Variants in SAMD4A observed in about 807,000 individuals in gnomAD.
SAMD4A encodes sterile alpha motif domain containing 4A, also known as protein Smaug homolog 1.
A neutral mutation model predicts 81.3 loss-of-function variants in SAMD4A; 33 were observed. That is an observed-to-expected ratio of 0.41 (90% CI 0.31 to 0.54). SAMD4A has a LOEUF of 0.54. Ranked by LOEUF, SAMD4A falls within the 20% of genes least tolerant of loss-of-function variation. SAMD4A has a pLI of 0.37. For synonymous variants in SAMD4A, 389 were observed against 382.1 expected (o/e 1.02, Z -0.21); for missense variants, 854 against 951.1 (o/e 0.90, Z 1.34).
chr14:54,568,184 G>C, intron 2 of SAMD4A, 72 bp downstream of exon 2: 4 of 1,320,186 alleles, frequency 3.0e-6, no homozygotes, highest in Non-Finnish European at 3.9e-6. Context: ...TCTCTGCCTC[G>C]GGCCAGGCCG....
At chr14:54,614,192 C>T (rs897269553) in intron 2 of SAMD4A, among the ~76,000 whole-genome samples, 5 of 152,118 alleles carry the variant, frequency 3.3e-5, no homozygotes, top group Admixed American at 2.0e-4. Context: ...AACTGTGGCT[C>T]TTCTCACAAA....
At chr14:54,664,268 T>C (rs1450348129) in intron 2 of SAMD4A, among the ~76,000 whole-genome samples, 2 of 152,138 alleles carry the variant, frequency 1.3e-5, no homozygotes, top group African/African-American at 4.8e-5. Context: ...TTCCAGACAG[T>C]GGACCCATCT....
intron 3 of SAMD4A, among the ~76,000 whole-genome samples, chr14:54,727,637 G>A (rs1027145709): frequency 6.6e-6 from 1 of 152,204 alleles, no homozygotes; most frequent in Non-Finnish European, 1.5e-5. Context: ...CCTTAGCTGG[G>A]AGCAAGTGCA....
At chr14:54,715,884 A>G (rs1408116099) in intron 3 of SAMD4A, among the ~76,000 whole-genome samples, 2 of 152,152 alleles carry the variant, frequency 1.3e-5, no homozygotes, top group Non-Finnish European at 2.9e-5. Context: ...GGCAAAAATA[A>G]TACTGGTTTA....
chr14:54,658,169 G>A (rs1412218976), intron 2 of SAMD4A, among the ~76,000 whole-genome samples: 4 of 152,138 alleles, frequency 2.6e-5, no homozygotes, highest in African/African-American at 9.7e-5. Flanking sequence ...AAATTAGCCA[G>A]GTGTGGTGTC....
intron 4 of SAMD4A, among the ~76,000 whole-genome samples, chr14:54,743,094 AC>A (rs968353544): frequency 1.3e-5 from 2 of 152,128 alleles, no homozygotes; most frequent in Non-Finnish European, 2.9e-5. Flanking sequence ...CCTGTCAGAA[AC>A]CTTTGTAAGA....
At chr14:54,659,877 G>A (rs2140460831) in intron 2 of SAMD4A, among the ~76,000 whole-genome samples, 1 of 152,296 alleles carries the variant, frequency 6.6e-6, no homozygotes, top group African/African-American at 2.4e-5. Flanking sequence ...TCCTCACTGT[G>A]GGTCATGGGG....
intron 2 of SAMD4A, among the ~76,000 whole-genome samples, chr14:54,695,659 A>G (rs770069786): frequency 6.6e-6 from 1 of 152,152 alleles, no homozygotes; most frequent in Non-Finnish European, 1.5e-5. Flanking sequence ...CCTTGAAAAT[A>G]GGGGGAGGGT....
At chr14:54,588,736 C>T (rs2033693083) in intron 2 of SAMD4A, among the ~76,000 whole-genome samples, 1 of 152,142 alleles carries the variant, frequency 6.6e-6, no homozygotes, top group East Asian at 1.9e-4. Flanking sequence ...ATTTTTTCTT[C>T]TGTCTCCTTT....
intron 2 of SAMD4A, among the ~76,000 whole-genome samples, chr14:54,650,012 A>G (rs946551829): frequency 5.3e-5 from 8 of 152,322 alleles, no homozygotes; most frequent in Admixed American, 1.3e-4. Context: ...GACTTATGAT[A>G]TACCACTAGG....
At chr14:54,704,182 T>C (rs1020997233) in intron 3 of SAMD4A, among the ~76,000 whole-genome samples, 7 of 152,242 alleles carry the variant, frequency 4.6e-5, no homozygotes, top group African/African-American at 1.7e-4. Context: ...CTGATGACAC[T>C]GTCTTTCACA....
At chr14:54,566,048 C>T (rs533465550), upstream of SAMD4A, among the ~76,000 whole-genome samples, 103 of 152,240 alleles carry the variant, frequency 6.8e-4, no homozygotes, top group African/African-American at 2.1e-3. Flanking sequence ...CCCTGCCAAG[C>T]CCATGATGTA....
At chr14:54,686,559 G>GAA (rs397780447) in intron 2 of SAMD4A, among the ~76,000 whole-genome samples, 11,280 of 144,576 alleles carry the variant, frequency 0.078, 706 homozygotes, top group African/African-American at 0.16. Context: ...TGGCTAACCA[G>GAA]AAAAAAAAAA....
chr14:54,659,373 A>G (rs2035589838), intron 2 of SAMD4A, among the ~76,000 whole-genome samples: 1 of 152,072 alleles, frequency 6.6e-6, no homozygotes, highest in African/African-American at 2.4e-5. Flanking sequence ...GTATCCATTC[A>G]TTCTTATCAG....
intron 2 of SAMD4A, among the ~76,000 whole-genome samples, chr14:54,607,511 A>C (rs2034241522): frequency 6.7e-6 from 1 of 149,454 alleles, no homozygotes; most frequent in Non-Finnish European, 1.5e-5. Flanking sequence ...GCTGGAGTGC[A>C]GTGGCACGAT....
intron 4 of SAMD4A, among the ~76,000 whole-genome samples, chr14:54,742,834 A>T (rs914167421): frequency 6.6e-6 from 1 of 152,246 alleles, no homozygotes; most frequent in Non-Finnish European, 1.5e-5. Flanking sequence ...CTTGATGGAA[A>T]TATAGCAATT....
chr14:54,747,681 A>T (rs998748733), intron 4 of SAMD4A, among the ~76,000 whole-genome samples: 2 of 152,264 alleles, frequency 1.3e-5, no homozygotes, highest in Admixed American at 1.3e-4. Context: ...TCAGCCACTG[A>T]TAGGCTGTTT....
intron 2 of SAMD4A, among the ~76,000 whole-genome samples, chr14:54,573,076 G>C (rs946962358): frequency 6.6e-6 from 1 of 152,152 alleles, no homozygotes; most frequent in Non-Finnish European, 1.5e-5. Context: ...AAATCATTTT[G>C]CTGAATGAAA....
intron 12 of SAMD4A, among the ~76,000 whole-genome samples, chr14:54,786,980 G>A (rs2039157261): frequency 6.6e-6 from 1 of 152,198 alleles, no homozygotes; most frequent in Non-Finnish European, 1.5e-5. Context: ...TAAGTTCAGG[G>A]TGGCCTAGTT....
Sources: allele counts gnomAD v4.1 joint callset (sites outside exome capture counted in the v4.1 genomes callset), GRCh38; gene constraint gnomAD v4.1.1; transcripts MANE v1.5; gene names NCBI Gene and HGNC (gene_info 2026-07-23, HGNC 2026-07-21).